Variants in COLEC11 observed in about 807,000 individuals in gnomAD.
COLEC11 encodes collectin-11.
COLEC11 carries 20 observed loss-of-function variants against 27.3 expected under a neutral mutation model. The observed-to-expected ratio is 0.73, with a 90% confidence interval of 0.51 to 1.06. COLEC11 has a LOEUF of 1.06. Among genes scored for constraint, COLEC11 ranks in the 50% least tolerant of loss-of-function variants. The probability of loss-of-function intolerance (pLI) is 0.00; values close to 1 mark genes in which losing one functional copy is unlikely to be tolerated. For synonymous variants in COLEC11, 163 were observed against 154.7 expected, an observed-to-expected ratio of 1.05 and a Z score of -0.40; for missense variants, 310 against 383.0, an observed-to-expected ratio of 0.81 and a Z score of 1.59.
At chr2:3,599,671 T>A (rs926162632) in intron 1 of COLEC11, among the ~76,000 whole-genome samples, 46 of 152,188 alleles carry the variant, frequency 3.0e-4, no homozygotes, top group African/African-American at 1.1e-3. Context: ...TTTGTAGCTG[T>A]CCCTCACCCA....
At chr2:3,631,044 A>T (rs1664957987) in intron 3 of COLEC11, among the ~76,000 whole-genome samples, 1 of 152,134 alleles carries the variant, frequency 6.6e-6, no homozygotes. Flanking sequence ...CAGCCTGGCT[A>T]ACATGGTGAA....
rs1193474132 is a variant in COLEC11, at chr2:3,643,782, G to A, written c.480G>A (p.Glu160=). The stretch of plus-strand genomic sequence containing the variant: ...AGATCTACCTGCTGGTGAAGGAGGA[G>A]AAGCGCTACGCGGACGCCCAGCTGT... ...ESKIYLLVKE[E]KRYADAQLSC... The change falls in exon 7 of 7, where the codon GAG becomes GAA. Residue 160 remains glutamate (E), a synonymous_variant. Transcript: ENST00000349077. The A allele has an allele frequency of 2.5e-6, 4 of 1,613,512 alleles. No homozygotes were observed. Among genetic ancestry groups the A allele is most frequent in the Non-Finnish European group, 3.4e-6 (4 of 1,179,964 alleles).
intron 1 of COLEC11, among the ~76,000 whole-genome samples, chr2:3,601,374 T>A (rs1373455794): frequency 6.6e-6 from 1 of 152,158 alleles, no homozygotes; most frequent in East Asian, 1.9e-4. Context: ...TGATCACCGC[T>A]CACTGCAGCC....
intron 5 of COLEC11, among the ~76,000 whole-genome samples, chr2:3,641,721 G>C (rs1489486991): frequency 6.6e-6 from 1 of 152,236 alleles, no homozygotes; most frequent in Non-Finnish European, 1.5e-5. Flanking sequence ...TGAGTGGAGG[G>C]GGGGTGTCTC....
At chr2:3,601,705 C>T (rs1245872382) in intron 1 of COLEC11, among the ~76,000 whole-genome samples, 1 of 152,216 alleles carries the variant, frequency 6.6e-6, no homozygotes, top group Admixed American at 6.5e-5. Flanking sequence ...GTTCTGTCAT[C>T]TTCGGCAAGT....
chr2:3,637,661 G>T, intron 4 of COLEC11, 57 bp downstream of exon 4: 1 of 1,286,328 alleles, frequency 7.8e-7, no homozygotes, highest in Non-Finnish European at 1.1e-6. Flanking sequence ...TCAGCGTCTG[G>T]ATACCCTGAG....
At chr2:3,609,162 G>C (rs1662971654) in intron 2 of COLEC11, among the ~76,000 whole-genome samples, 1 of 152,152 alleles carries the variant, frequency 6.6e-6, no homozygotes, top group Non-Finnish European at 1.5e-5. Context: ...TGGATTTTGT[G>C]ATTAGCTGAG....
rs1351621801 is a variant in COLEC11 at position 3,602,518 on chromosome 2, C to T, written c.-26-1797C>T. On this transcript the variant is annotated intron_variant, in intron 1 of 6. Transcript: ENST00000349077. This position sits in a 1 kb window ranked among gnomAD's most constrained non-coding sequence, Gnocchi z 6.2. ...TCCAGACTGCATCCCATACCTCTGT[C>T]ATCACCTCCACCCACACGTGGGGTC... 6.6e-6 allele frequency among the ~76,000 whole-genome samples: 1 copy of T among 152,180 alleles called. No individual in the cohort carries two copies. Among genetic ancestry groups the T allele is most frequent in the East Asian group, 1.9e-4 (1 of 5,188 alleles).
intron 4 of COLEC11, among the ~76,000 whole-genome samples, chr2:3,638,422 G>A (rs1414336262): frequency 6.6e-6 from 1 of 152,216 alleles, no homozygotes; most frequent in African/African-American, 2.4e-5. Flanking sequence ...GTGTAGCAAT[G>A]CGGCTAAGCT....
In COLEC11 at chr2:3,602,714, C is replaced by T. The variant is rs1662319535; in HGVS notation, c.-26-1601C>T. ...GAGCAACCCCCAAAGCTGCTGGGCG[C>T]CGGCTCCTGTCTCCTGTCCTCTGTG... On this transcript the variant is annotated intron_variant, in intron 1 of 6. Coordinates refer to ENST00000349077, the MANE Select transcript of COLEC11 (RefSeq NM_024027.5). The surrounding 1 kb of genome is among the most constrained non-coding windows in gnomAD (Gnocchi z 6.2). Among the ~76,000 whole-genome samples, 2 of 152,362 alleles carry T rather than the reference C, an allele frequency of 1.3e-5. No homozygotes were observed. Among genetic ancestry groups the T allele is most frequent in the South Asian group, 2.1e-4 (1 of 4,830 alleles).
intron 3 of COLEC11, among the ~76,000 whole-genome samples, chr2:3,635,181 G>A (rs549667375): frequency 8.6e-5 from 12 of 139,762 alleles, no homozygotes; most frequent in Non-Finnish European, 1.4e-4. Flanking sequence ...CCAGAGCTGT[G>A]TCTCCCTGCG....
At chr2:3,638,706 C>G (rs895874607) in intron 4 of COLEC11, among the ~76,000 whole-genome samples, 1 of 152,180 alleles carries the variant, frequency 6.6e-6, no homozygotes, top group Non-Finnish European at 1.5e-5. Flanking sequence ...CTGGAAAACC[C>G]GTGAGAGGCA....
chr2:3,622,980 T>G (rs1418103123), intron 3 of COLEC11, among the ~76,000 whole-genome samples: 1 of 152,198 alleles, frequency 6.6e-6, no homozygotes, highest in Non-Finnish European at 1.5e-5. Context: ...GTAAGGGAAG[T>G]CTAGTGGGAA....
intron 2 of COLEC11, among the ~76,000 whole-genome samples, chr2:3,604,766 G>A (rs1662507664): frequency 1.3e-5 from 2 of 152,126 alleles, no homozygotes; most frequent in Non-Finnish European, 2.9e-5. Context: ...ACATGGCCTC[G>A]TGTGATCCTC....
At chr2:3,631,464 A>T (rs1004772998) in intron 3 of COLEC11, among the ~76,000 whole-genome samples, 1 of 151,600 alleles carries the variant, frequency 6.6e-6, no homozygotes, top group African/African-American at 2.4e-5. Context: ...GTGTTTCTCC[A>T]CCCCCAGGCC....
chr2:3,627,388 G>C (rs1470539105), intron 3 of COLEC11, among the ~76,000 whole-genome samples: 1 of 149,630 alleles, frequency 6.7e-6, no homozygotes, highest in Non-Finnish European at 1.5e-5. Flanking sequence ...TGGTGATGCT[G>C]GGCACAACGC....
intron 3 of COLEC11, among the ~76,000 whole-genome samples, chr2:3,622,223 T>C (rs891766442): frequency 2.0e-5 from 3 of 151,166 alleles, no homozygotes; most frequent in Non-Finnish European, 2.9e-5. Flanking sequence ...GCCTGTAGTC[T>C]CGGCTGAGGC....
chr2:3,644,352 C>T lies in COLEC11; in HGVS notation c.*234C>T. The T allele has an allele frequency of 1.5e-6, 1 of 687,774 alleles. No individual in the cohort carries two copies. Among genetic ancestry groups the T allele is most frequent in the Non-Finnish European group, 2.6e-6 (1 of 378,498 alleles). The allele number at this position is 687,774 out of a possible 1,614,324, so 42.6% of individuals were successfully genotyped here. ...GAGTTTCATTACCTGTATTGTAGCC[C>T]CAATGTCATTATGTAATTATTACCC... On this transcript the variant is annotated 3_prime_UTR_variant, in exon 7 of 7. Transcript: ENST00000349077.
At chr2:3,614,066 T>C (rs1368505895) in intron 3 of COLEC11, among the ~76,000 whole-genome samples, 1 of 150,326 alleles carries the variant, frequency 6.7e-6, no homozygotes, top group African/African-American at 2.4e-5. Flanking sequence ...AACCTTCTCC[T>C]CCCAGGTTCA....
Sources: gnomAD v4.1 joint callset for allele counts (sites outside exome capture counted in the v4.1 genomes callset) on GRCh38, gnomAD v4.1.1 for gene constraint, Gnocchi (gnomAD v3.1) non-coding constraint, MANE v1.5 for transcripts, NCBI Gene and HGNC (gene_info 2026-07-23, HGNC 2026-07-21) for gene names.